The following MARCHF1 variants were observed in gnomAD, a reference collection of about 807,000 sequenced individuals.
The protein encoded by MARCHF1 is membrane associated ring-CH-type finger 1, also known as E3 ubiquitin-protein ligase MARCHF1.
A neutral mutation model predicts 54.2 loss-of-function variants in MARCHF1; 40 were observed. That is an observed-to-expected ratio of 0.74 (90% CI 0.57 to 0.96). The LOEUF (loss-of-function observed/expected upper bound fraction) is 0.96. Ranked by LOEUF, MARCHF1 falls within the 40% of genes least tolerant of loss-of-function variation. MARCHF1 has a pLI of 0.00. For missense variants in MARCHF1, 586 were observed against 656.5 expected, an observed-to-expected ratio of 0.89 and a Z score of 1.17; for synonymous variants, 236 against 236.3, an observed-to-expected ratio of 1.00 and a Z score of 0.01.
intron 1 of MARCHF1, among the ~76,000 whole-genome samples, chr4:164,287,511 T>TGA (rs1015970772): frequency 1.2e-4 from 18 of 152,174 alleles, no homozygotes; most frequent in African/African-American, 3.6e-4. Context: ...ATCACTAAGC[T>TGA]GAATTTTTTA....
intron 4 of MARCHF1, among the ~76,000 whole-genome samples, chr4:163,822,681 G>C (rs965920248): frequency 6.6e-6 from 1 of 151,848 alleles, no homozygotes; most frequent in Non-Finnish European, 1.5e-5. Context: ...CAATCAAATA[G>C]GGGTCAGTGG....
At chr4:163,982,286 C>T (rs1752778845) in intron 3 of MARCHF1, among the ~76,000 whole-genome samples, 1 of 152,202 alleles carries the variant, frequency 6.6e-6, no homozygotes, top group East Asian at 1.9e-4. Flanking sequence ...AGCCTTTCTA[C>T]CCCTTGGCAT....
At chr4:164,141,937 A>AGAGTGGGCG (rs1360425397) in intron 1 of MARCHF1, among the ~76,000 whole-genome samples, 1 of 116,934 alleles carries the variant, frequency 8.6e-6, no homozygotes, top group Admixed American at 9.3e-5. Flanking sequence ...GGAGTGCCAG[A>AGAGTGGGCG]CAGTGGGCGC....
chr4:163,878,242 G>T (rs922653600), intron 3 of MARCHF1, among the ~76,000 whole-genome samples: 11 of 152,178 alleles, frequency 7.2e-5, no homozygotes, highest in Non-Finnish European at 1.6e-4. Flanking sequence ...GCCAAAAAGG[G>T]TAGGTAAGTA....
chr4:163,896,907 C>T (rs1750819096), intron 3 of MARCHF1, among the ~76,000 whole-genome samples: 5 of 152,138 alleles, frequency 3.3e-5, no homozygotes, highest in Non-Finnish European at 5.9e-5. Flanking sequence ...ATGCATGTCC[C>T]CAAACCACAG....
chr4:164,063,936 G>A (rs936045830), intron 2 of MARCHF1, among the ~76,000 whole-genome samples: 3 of 152,088 alleles, frequency 2.0e-5, no homozygotes, highest in Non-Finnish European at 2.9e-5. Flanking sequence ...TCCATTGTTT[G>A]TTTTTGTCAG....
At chr4:163,644,638 T>C (rs1742684308) in intron 5 of MARCHF1, among the ~76,000 whole-genome samples, 1 of 152,078 alleles carries the variant, frequency 6.6e-6, no homozygotes, top group Admixed American at 6.6e-5. Flanking sequence ...GAGGGAAGCA[T>C]AGCCATCCAT....
intron 1 of MARCHF1, among the ~76,000 whole-genome samples, chr4:164,281,658 G>A (rs949460874): frequency 7.2e-5 from 11 of 152,150 alleles, no homozygotes; most frequent in Non-Finnish European, 2.9e-5. Context: ...GAAGTGGCAA[G>A]CAAGAAAGCT....
At chr4:163,907,237 T>C (rs1025231718) in intron 3 of MARCHF1, among the ~76,000 whole-genome samples, 5 of 152,092 alleles carry the variant, frequency 3.3e-5, no homozygotes, top group African/African-American at 1.2e-4. Context: ...ATCTTTGTTT[T>C]ATAGCTTTCT....
chr4:163,934,564 A>C (rs993538516), intron 3 of MARCHF1, among the ~76,000 whole-genome samples: 4 of 138,220 alleles, frequency 2.9e-5, no homozygotes, highest in Non-Finnish European at 6.2e-5. Context: ...ATCTCTAAAA[A>C]CTCTTTTTAA....
chr4:164,111,539 G>T (rs1311564732), intron 2 of MARCHF1, 49 bp downstream of exon 2: 1 of 151,608 alleles, frequency 6.6e-6, no homozygotes, highest in Non-Finnish European at 1.5e-5. Flanking sequence ...TTTCTGCCAT[G>T]GAAAGTCTTC....
At position 164,050,946 on chromosome 4, in the gene MARCHF1, G is replaced by GTAATAA. The variant is rs545614334; in HGVS notation, c.-248+60636_-248+60641dup. Among the ~76,000 whole-genome samples the GTAATAA allele has an allele frequency of 2.0e-5, 3 of 151,324 alleles. No individual in the cohort carries two copies. The South Asian group carries it at 6.3e-4, about 32-fold the overall frequency. ...AAACTCTGTCTCAATAATAATAATA[G>GTAATAA]TAATAATAATAATAATAATATCCGT... On this transcript the variant is annotated intron_variant, in intron 2 of 9. Transcript: ENST00000514618.
At chr4:163,655,603 A>C (rs1219455906) in intron 5 of MARCHF1, among the ~76,000 whole-genome samples, 1 of 151,800 alleles carries the variant, frequency 6.6e-6, no homozygotes. Context: ...CAGAATATAC[A>C]TTTTTCTTGG....
intron 1 of MARCHF1, among the ~76,000 whole-genome samples, chr4:164,341,069 TA>T (rs759966246): frequency 1.9e-4 from 29 of 152,228 alleles, no homozygotes; most frequent in Middle Eastern, 3.4e-3. Context: ...GCAAGGATGG[TA>T]CATTTGTACA....
At chr4:163,580,807 T>TAAAGAGAGAATGTCTCAGC (rs1169482277) in intron 8 of MARCHF1, among the ~76,000 whole-genome samples, 27 of 110,688 alleles carry the variant, frequency 2.4e-4, no homozygotes, top group South Asian at 6.2e-4. Context: ...AGTTTTTTTT[T>TAAAGAGAGAATGTCTCAGC]TTTTTTGAGA....
chr4:164,219,040 G>T (rs1732017236), intron 1 of MARCHF1, among the ~76,000 whole-genome samples: 1 of 151,924 alleles, frequency 6.6e-6, no homozygotes, highest in African/African-American at 2.4e-5. Flanking sequence ...TATTTCCTAT[G>T]ACTGAGTTCT....
intron 1 of MARCHF1, among the ~76,000 whole-genome samples, chr4:164,337,804 A>G (rs566577577): frequency 1.3e-5 from 2 of 152,304 alleles, no homozygotes; most frequent in South Asian, 4.1e-4. Context: ...ATACAAACTC[A>G]AGCATGCCAA....
At chr4:164,167,089 C>A (rs1730401254) in intron 1 of MARCHF1, among the ~76,000 whole-genome samples, 1 of 151,600 alleles carries the variant, frequency 6.6e-6, no homozygotes, top group Non-Finnish European at 1.5e-5. Flanking sequence ...AATGAGATAG[C>A]ATTATCTTTT....
At chr4:164,257,090 TATAA>T (rs1471299271) in intron 1 of MARCHF1, among the ~76,000 whole-genome samples, 1 of 152,162 alleles carries the variant, frequency 6.6e-6, no homozygotes. Context: ...AAAGAAAAGC[TATAA>T]ATAAACTGTT....
Sources: gnomAD v4.1 joint callset for allele counts (sites outside exome capture counted in the v4.1 genomes callset) on GRCh38, gnomAD v4.1.1 for gene constraint, MANE v1.5 for transcripts, NCBI Gene and HGNC (gene_info 2026-07-23, HGNC 2026-07-21) for gene names.